The following FUBP1 variants were observed in gnomAD, a reference collection of about 807,000 sequenced individuals.
FUBP1 encodes the protein far upstream element binding protein 1.
FUBP1 carries 16 observed loss-of-function variants against 94.9 expected under a neutral mutation model. The ratio of observed to expected loss-of-function variants is 0.17; its 90% CI spans 0.11 to 0.26. The LOEUF (loss-of-function observed/expected upper bound fraction) is 0.26. FUBP1 is among the 10% of genes least tolerant of loss of function. The pLI, the probability that FUBP1 is intolerant of heterozygous loss-of-function variation, is 1.00. For missense variants in FUBP1, 583 were observed against 808.6 expected (o/e 0.72, Z 3.38); for synonymous variants, 279 against 254.9 (o/e 1.09, Z -0.90).
chr1:77,975,228 T>C (rs1658374276), intron 1 of FUBP1, among the ~76,000 whole-genome samples: 1 of 152,212 alleles, frequency 6.6e-6, no homozygotes. Context: ...AAATGTTGAG[T>C]ACCTACTATA....
At chr1:77,976,930 C>T (rs1255393124) in intron 1 of FUBP1, among the ~76,000 whole-genome samples, 2 of 152,210 alleles carry the variant, frequency 1.3e-5, no homozygotes, top group African/African-American at 4.8e-5. Context: ...TTGCCATTCC[C>T]TCAAGTCCCC....
chr1:77,964,848 T>C, intron 9 of FUBP1, 22 bp downstream of exon 9: 1 of 1,537,252 alleles, frequency 6.5e-7, no homozygotes, highest in Non-Finnish European at 9.0e-7. Flanking sequence ...TCTTTCTTTA[T>C]AAAGTATAAA....
intron 18 of FUBP1, among the ~76,000 whole-genome samples, chr1:77,950,489 T>TA (rs1653220388): frequency 1.3e-5 from 2 of 152,286 alleles, no homozygotes; most frequent in East Asian, 3.9e-4. Context: ...AACTGTCTTG[T>TA]CTGCAACTTA....
Position 77,964,165 on chromosome 1 carries a change from TC to T in FUBP1, c.941-4del. ...CCTTTCGGGTGTTGTCCCATCATCT[TC>T]AAAACAAAGAAACAAAATTAATTAA... On this transcript the variant is annotated splice_polypyrimidine_tract_variant and splice_region_variant and intron_variant, in intron 11 of 19. Coordinates refer to ENST00000370768, the MANE Select transcript of FUBP1 (RefSeq NM_003902.5). 6.3e-7 allele frequency: 1 copy of T among 1,597,204 alleles called. No individual in the cohort carries two copies. Among genetic ancestry groups the T allele is most frequent in the Non-Finnish European group, 8.6e-7 (1 of 1,164,616 alleles).
chr1:77,978,828 C>T, intron 1 of FUBP1, 57 bp downstream of exon 1: 1 of 1,605,930 alleles, frequency 6.2e-7, no homozygotes, highest in Non-Finnish European at 8.5e-7. Flanking sequence ...GCGGCCTACT[C>T]AGTCAGCGGC....
rs765745500 is a variant in FUBP1 at position 77,968,199 on chromosome 1, T to C, written c.216A>G (p.Gln72=). 1.2e-5 allele frequency: 19 copies of C among 1,538,978 alleles called. No homozygotes were observed. Among genetic ancestry groups the C allele is most frequent in the Admixed American group, 4.6e-5 (2 of 43,022 alleles). The change falls in exon 3 of 20, where the codon CAA becomes CAG. Residue 72 remains glutamine (Q), a synonymous_variant. Transcript: ENST00000370768. The stretch of plus-strand genomic sequence containing the variant: ...GAGGAGCAACTTTCTTAGCATCTGG[T>C]TGATCTGCAAAATTAAGTGTCTTTT... ...GQKRPLEDGD[Q]PDAKKVAPQN...
chr1:77,972,042 G>A (rs932557391), intron 1 of FUBP1, among the ~76,000 whole-genome samples: 5 of 150,992 alleles, frequency 3.3e-5, no homozygotes, highest in Non-Finnish European at 4.4e-5. Flanking sequence ...TCTCGCTTTG[G>A]TCAATCTAAC....
rs752702708 is a variant in FUBP1, at chr1:77,963,667, C to T, written c.1090G>A (p.Gly364Ser). The T allele has an allele frequency of 9.9e-6, 16 of 1,610,616 alleles. No homozygotes were observed. The South Asian group carries it at 1.5e-4, about 15-fold the overall frequency. The stretch of plus-strand genomic sequence containing the variant: ...GGTCCCATGTTCCAGTTGCCTTGAC[C>T]TCTACCTCTTCCTCGACCACCAGGT... ...PGPGGRGRGR[G>S]QGNWNMGPPG... Residue 364 changes from glycine (G) to serine (S), a missense_variant, in exon 13 of 20, where the codon GGT becomes AGT. Physicochemically the swap from Gly to Ser is moderately conservative, Grantham distance 56. Transcript: ENST00000370768.
intron 1 of FUBP1, among the ~76,000 whole-genome samples, chr1:77,975,087 G>A (rs1317696129): frequency 6.6e-6 from 1 of 152,128 alleles, no homozygotes. Context: ...TACTTGTATT[G>A]CTGGACTGTT....
intron 18 of FUBP1, among the ~76,000 whole-genome samples, chr1:77,952,977 A>C (rs1653779069): frequency 6.6e-6 from 1 of 151,164 alleles, no homozygotes; most frequent in Admixed American, 6.6e-5. Flanking sequence ...GTCTCTACTA[A>C]AAATACAAAA....
chr1:77,964,371 AC>A lies in FUBP1; in HGVS notation c.838-16del. The A allele has an allele frequency of 6.9e-7, 1 of 1,457,462 alleles. No individual in the cohort carries two copies. The highest frequency in any genetic ancestry group is 9.5e-7 in the Non-Finnish European group (1 of 1,048,732). The allele number at this position is 1,457,462 out of a possible 1,614,324, so 90.3% of individuals were successfully genotyped here. On this transcript the variant is annotated splice_polypyrimidine_tract_variant and intron_variant, in intron 10 of 19. Transcript: ENST00000370768. ...GGAATGGGGACCTTATGTAAAAAAG[AC>A]TAAGTATTAAGAAAGCTAGCTTCTC...
At chr1:77,972,995 A>G (rs1048502312) in intron 1 of FUBP1, among the ~76,000 whole-genome samples, 3 of 151,258 alleles carry the variant, frequency 2.0e-5, no homozygotes, top group Non-Finnish European at 4.4e-5. Context: ...ACGCTAATAC[A>G]GCAAGACTCC....
At chr1:77,957,440 C>T (rs560037923) in intron 16 of FUBP1, among the ~76,000 whole-genome samples, 3 of 152,322 alleles carry the variant, frequency 2.0e-5, no homozygotes, top group South Asian at 4.1e-4. Flanking sequence ...GCCCGTGTCT[C>T]GGCTTTTAGC....
chr1:77,962,647 CATGAAATCTATAA>C (rs1655715060), intron 14 of FUBP1, 110 bp downstream of exon 14: 2 of 557,638 alleles, frequency 3.6e-6, no homozygotes, highest in African/African-American at 1.9e-5. Flanking sequence ...TTATACATAT[CATGAAATCTATAA>C]ATGCTGACTA....
chr1:77,967,136 T>C, intron 4 of FUBP1, 35 bp from the exon 5 acceptor site: 2 of 1,283,646 alleles, frequency 1.6e-6, no homozygotes, highest in Non-Finnish European at 2.2e-6. Flanking sequence ...TTTCCTTCAA[T>C]GAAAGATACT....
rs1367560651 is a variant in FUBP1, at chr1:77,944,903, G to T, written c.*3863C>A. ...TTTCTAAAAGAAACATCAAACCATA[G>T]AATTCTAAGTATCACCACACTAAGC... On this transcript the variant is annotated 3_prime_UTR_variant, in exon 20 of 20. Transcript: ENST00000370768. Among the ~76,000 whole-genome samples, 1 of 151,200 alleles carries T rather than the reference G, an allele frequency of 6.6e-6. No homozygotes were observed. Among genetic ancestry groups the T allele is most frequent in the African/African-American group, 2.4e-5 (1 of 41,208 alleles).
chr1:77,960,871 A>G (rs1213748262), intron 14 of FUBP1: 1 of 186,062 alleles, frequency 5.4e-6, no homozygotes, highest in Admixed American at 5.9e-5. Context: ...TTCTCTCTAT[A>G]TCTACTTGCC....
At chr1:77,951,661 C>T (rs1238128237) in intron 18 of FUBP1, among the ~76,000 whole-genome samples, 2 of 152,128 alleles carry the variant, frequency 1.3e-5, no homozygotes, top group Non-Finnish European at 2.9e-5. Context: ...GTTTATACTT[C>T]AGTAGAACAT....
At position 77,964,279 on chromosome 1, in the gene FUBP1, A is replaced by G. The variant is rs935660691; in HGVS notation, c.915T>C (p.Ala305=). 1 of 1,609,494 alleles carries G rather than the reference A, an allele frequency of 6.2e-7. No homozygotes were observed. The highest frequency in any genetic ancestry group is 8.5e-7 in the Non-Finnish European group (1 of 1,177,416). ...GEMIKKIQND[A]GVRIQFKPDD... is the part of the protein sequence containing the mutation. The stretch of plus-strand genomic sequence containing the variant: ...CTGGCTTAAACTGAATGCGAACACC[A>G]GCATCATTTTGTATTTTTTTGATCA... Residue 305 remains alanine (A), a synonymous_variant, in exon 11 of 20, where the codon GCT becomes GCC. Coordinates refer to ENST00000370768, the MANE Select transcript of FUBP1 (RefSeq NM_003902.5).
Sources: allele counts gnomAD v4.1 joint callset (sites outside exome capture counted in the v4.1 genomes callset), GRCh38; gene constraint gnomAD v4.1.1; transcripts MANE v1.5; gene names NCBI Gene and HGNC (gene_info 2026-07-23, HGNC 2026-07-21).